The following AHCYL1 variants were observed in gnomAD, a reference collection of about 807,000 sequenced individuals.
AHCYL1 encodes S-adenosylhomocysteine hydrolase-like protein 1.
Under a neutral mutation model 79.3 loss-of-function variants are expected in AHCYL1, and 20 were observed. That is an observed-to-expected ratio of 0.25 (90% CI 0.18 to 0.37). The LOEUF (loss-of-function observed/expected upper bound fraction) is 0.37. AHCYL1 is among the 10% of genes least tolerant of loss of function. The pLI is 1.00. For missense variants in AHCYL1, 330 were observed against 673.6 expected (o/e 0.49, Z 5.65); for synonymous variants, 223 against 242.2 (o/e 0.92, Z 0.74).
At chr1:109,988,235 T>C (rs539150538) in intron 1 of AHCYL1, among the ~76,000 whole-genome samples, 1 of 152,306 alleles carries the variant, frequency 6.6e-6, no homozygotes, top group Admixed American at 6.5e-5. Flanking sequence ...CACAGAGTTC[T>C]AAAATAATTT....
intron 1 of AHCYL1, chr1:110,004,322 C>A (rs1366976528): frequency 1.0e-6 from 1 of 985,368 alleles, no homozygotes; most frequent in African/African-American, 1.7e-5. Context: ...GAAGGAGAGC[C>A]GGGAGCAGCC....
At chr1:110,004,525 G>A (rs1220614472) in intron 1 of AHCYL1, 1 of 979,156 alleles carries the variant, frequency 1.0e-6, no homozygotes, top group Non-Finnish European at 1.2e-6. Context: ...TTTACTTGAA[G>A]TGAAAGGTAT....
At chr1:110,013,272 A>C (rs1331716855) in intron 5 of AHCYL1, among the ~76,000 whole-genome samples, 1 of 152,224 alleles carries the variant, frequency 6.6e-6, no homozygotes, top group East Asian at 1.9e-4. Flanking sequence ...GAAGAATGTT[A>C]AACTATATAA....
In AHCYL1 at chr1:110,020,780, A is replaced by G. The variant is rs943050144; in HGVS notation, c.1515A>G (p.Thr505=). 1 of 1,613,734 alleles carries G rather than the reference A, an allele frequency of 6.2e-7. No homozygotes were observed. Among genetic ancestry groups the G allele is most frequent in the African/African-American group, 1.3e-5 (1 of 74,906 alleles). Reference sequence around the variant, plus strand: ...TGCCATCATTTGATGCCCACCTTACAGAGCTGACAGATGACCAAGCAAAAT... The same window carrying G: ...TGCCATCATTTGATGCCCACCTTACGGAGCTGACAGATGACCAAGCAAAAT... ...LHLPSFDAHL[T]ELTDDQAKYL... Residue 505 remains threonine (T), a synonymous_variant, in exon 16 of 17, where the codon ACA becomes ACG. Coordinates refer to ENST00000369799, the MANE Select transcript of AHCYL1 (RefSeq NM_006621.7).
chr1:110,021,598 G>A lies in AHCYL1; in HGVS notation c.1587-76G>A, dbSNP rs564664661. ...GCTGGGGAGGGGCCCTGGAGAAGGT[G>A]CTCTGTTTCCGATTGTTTTTTGGAA... On this transcript the variant is annotated intron_variant, in intron 16 of 16. Coordinates refer to ENST00000369799, the MANE Select transcript of AHCYL1 (RefSeq NM_006621.7). 7.7e-5 allele frequency: 115 copies of A among 1,484,218 alleles called. 1 individual carries two copies. The East Asian group carries it at 2.5e-3, about 33-fold the overall frequency. 91.9% of individuals were successfully genotyped at this position (1,484,218 alleles called of 1,614,324 possible). A position where few individuals can be genotyped will look rare whatever the true frequency, so the allele number is the denominator to read the frequency against.
Position 110,023,350 on chromosome 1 carries a change from G to C in AHCYL1, c.*1670G>C, listed in dbSNP as rs1651915038. On this transcript the variant is annotated 3_prime_UTR_variant, in exon 17 of 17. Transcript: ENST00000369799. ...GTGTGACCATGCTTTCTTCTCTGTA[G>C]ATGTTAACAGTTAAGGCCTATTTTC... 1 of 152,460 alleles carries C rather than the reference G, an allele frequency of 6.6e-6. No homozygotes were observed. The highest frequency in any genetic ancestry group is 1.5e-5 in the Non-Finnish European group (1 of 68,022). 9.4% of individuals were successfully genotyped at this position (152,460 alleles called of 1,614,324 possible). A position where few individuals can be genotyped will look rare whatever the true frequency, so the allele number is the denominator to read the frequency against.
intron 1 of AHCYL1, among the ~76,000 whole-genome samples, chr1:109,994,030 C>G (rs1055074789): frequency 2.6e-5 from 4 of 152,164 alleles, no homozygotes; most frequent in African/African-American, 9.7e-5. Context: ...CCCTGGCTGC[C>G]CCTTCTGAGT....
In AHCYL1 at chr1:110,000,899, C is replaced by A. The variant is rs1308737951; in HGVS notation, c.121-8135C>A. ...TCTAGAATGTTTTGAAAATACAAAC[C>A]CTCTGTAAACTGTAAGCCACAGGTG... On this transcript the variant is annotated intron_variant, in intron 1 of 16. Coordinates refer to ENST00000369799, the MANE Select transcript of AHCYL1 (RefSeq NM_006621.7). 5.3e-6 allele frequency: 5 copies of A among 940,982 alleles called. No individual in the cohort carries two copies. The African/African-American group carries it at 8.9e-5, about 17-fold the overall frequency. 58.3% of individuals were successfully genotyped at this position (940,982 alleles called of 1,614,324 possible). A position where few individuals can be genotyped will look rare whatever the true frequency, so the allele number is the denominator to read the frequency against.
chr1:110,018,113 A>G, intron 11 of AHCYL1, 97 bp downstream of exon 11: 2 of 1,333,722 alleles, frequency 1.5e-6, no homozygotes, highest in Non-Finnish European at 2.1e-6. Context: ...TCTGTTCAGT[A>G]TAAAGGTCTC....
chr1:110,003,354 G>C lies in AHCYL1; in HGVS notation c.121-5680G>C, dbSNP rs1236749726. Among the ~76,000 whole-genome samples the C allele has an allele frequency of 3.9e-5, 6 of 152,000 alleles. No homozygotes were observed. In the East Asian group the frequency reaches 1.2e-3, roughly 29 times the overall value. On this transcript the variant is annotated intron_variant, in intron 1 of 16. Transcript: ENST00000369799. Reference sequence around the variant, plus strand: ...ATGTGTATGTGTATATATATAGAGAGAGAAAAAACCTATTATGGAAAACGG... The same window carrying C: ...ATGTGTATGTGTATATATATAGAGACAGAAAAAACCTATTATGGAAAACGG...
intron 1 of AHCYL1, among the ~76,000 whole-genome samples, chr1:110,008,096 C>T (rs1406707801): frequency 6.9e-6 from 1 of 144,248 alleles, no homozygotes; most frequent in East Asian, 2.2e-4. Context: ...GATCTCGGCT[C>T]ACTGCAACCA....
At chr1:110,013,076 C>T in intron 5 of AHCYL1, 77 bp downstream of exon 5, 7 of 1,123,640 alleles carry the variant, frequency 6.2e-6, no homozygotes, top group Non-Finnish European at 8.9e-6. Flanking sequence ...TCAAAATTGT[C>T]ATTACAATAT....
intron 1 of AHCYL1, among the ~76,000 whole-genome samples, chr1:110,002,096 T>A (rs187496317): frequency 7.9e-5 from 12 of 152,258 alleles, no homozygotes; most frequent in East Asian, 1.9e-4. Flanking sequence ...AAACTTTTTT[T>A]AAAAAAGGTA....
intron 1 of AHCYL1, among the ~76,000 whole-genome samples, chr1:110,008,392 A>G (rs191771706): frequency 2.6e-5 from 4 of 152,272 alleles, no homozygotes; most frequent in East Asian, 1.9e-4. Flanking sequence ...AGAATTTACT[A>G]TAGTGTATGT....
At chr1:109,985,340 G>A (rs1570835351) in intron 1 of AHCYL1, 168 bp downstream of exon 1, 1 of 1,332,526 alleles carries the variant, frequency 7.5e-7, no homozygotes, top group East Asian at 3.1e-5. Context: ...GGGCTGAAAG[G>A]CCGCCTCTGA....
chr1:110,020,585 A>G, intron 15 of AHCYL1, 146 bp from the exon 16 acceptor site: 1 of 1,156,720 alleles, frequency 8.6e-7, no homozygotes, highest in Non-Finnish European at 1.2e-6. Context: ...TTTTTAATTA[A>G]GCAAATATTT....
chr1:110,018,586 G>A lies in AHCYL1; in HGVS notation c.1253G>A (p.Arg418Gln). 1.9e-6 allele frequency: 3 copies of A among 1,613,988 alleles called. No homozygotes were observed. Among genetic ancestry groups the A allele is most frequent in the Non-Finnish European group, 1.7e-6 (2 of 1,179,970 alleles). Residue 418 changes from arginine to glutamine, a missense_variant, in exon 13 of 17, where the codon CGA becomes CAA. Transcript: ENST00000369799. ...SLRTPELTWE[R>Q]VRSQVDHVIW... is the part of the protein sequence containing the mutation. The stretch of plus-strand genomic sequence containing the variant: ...CGCACTCCGGAGCTGACGTGGGAGC[G>A]AGTACGTTCTCAGGTGGACCATGTC...
chr1:110,010,096 CTG>C (rs1650925478), intron 2 of AHCYL1, among the ~76,000 whole-genome samples: 2 of 152,298 alleles, frequency 1.3e-5, no homozygotes, highest in African/African-American at 4.8e-5. Context: ...AGCAGGCTAA[CTG>C]TAGCCAAGAA....
At chr1:110,012,299 C>T in intron 3 of AHCYL1, 63 bp from the exon 4 acceptor site, 1 of 1,478,022 alleles carries the variant, frequency 6.8e-7, no homozygotes, top group Non-Finnish European at 9.4e-7. Flanking sequence ...CAGACCAGCC[C>T]TGGGGCAGGA....
Sources: gnomAD v4.1 joint callset for allele counts (sites outside exome capture counted in the v4.1 genomes callset) on GRCh38, gnomAD v4.1.1 for gene constraint, MANE v1.5 for transcripts, NCBI Gene and HGNC (gene_info 2026-07-23, HGNC 2026-07-21) for gene names.